The following RUNX2 variants were observed in gnomAD, a reference collection of about 807,000 sequenced individuals.
RUNX2 encodes RUNX family transcription factor 2.
Under a neutral mutation model 51.7 loss-of-function variants are expected in RUNX2, and 10 were observed. The ratio of observed to expected loss-of-function variants is 0.19; its 90% CI spans 0.12 to 0.33. The LOEUF is 0.33. Ranked by LOEUF, RUNX2 falls within the 10% of genes least tolerant of loss-of-function variation. The pLI, the probability that RUNX2 is intolerant of heterozygous loss-of-function variation, is 1.00. For missense variants in RUNX2, 562 were observed against 691.3 expected (o/e 0.81, Z 2.10); for synonymous variants, 276 against 273.6 (o/e 1.01, Z -0.09).
rs1787515737 is a variant in RUNX2 at position 45,331,552 on chromosome 6, T to C, written c.58+2768T>C. Among the ~76,000 whole-genome samples, 3 of 151,926 alleles carry C rather than the reference T, an allele frequency of 2.0e-5. No homozygotes were observed. The South Asian group carries it at 6.2e-4, about 31-fold the overall frequency. ...ACACAGAAAATCACTCTAACACATA[T>C]CAAAAGCTAAAAATGTCAAAGTAAT... is the stretch of plus-strand genomic sequence containing the variant. On this transcript the variant is annotated intron_variant, in intron 2 of 8. Transcript: ENST00000647337.
At chr6:45,452,110 A>G (rs1429823238) in intron 5 of RUNX2, among the ~76,000 whole-genome samples, 1 of 152,226 alleles carries the variant, frequency 6.6e-6, no homozygotes, top group Non-Finnish European at 1.5e-5. Flanking sequence ...ACCCACGTTC[A>G]TTTGATTTGT....
At chr6:45,403,559 G>T (rs569267595) in intron 2 of RUNX2, among the ~76,000 whole-genome samples, 4 of 152,216 alleles carry the variant, frequency 2.6e-5, no homozygotes, top group Admixed American at 1.3e-4. Context: ...TAACATAGAT[G>T]TGTTTAATCT....
intron 5 of RUNX2, among the ~76,000 whole-genome samples, chr6:45,439,063 G>A (rs1798769748): frequency 6.6e-6 from 1 of 152,136 alleles, no homozygotes; most frequent in South Asian, 2.1e-4. Context: ...GAGAGAAAAG[G>A]TCTCATAAAG....
At chr6:45,343,748 T>C (rs2079275132) in intron 2 of RUNX2, among the ~76,000 whole-genome samples, 1 of 152,198 alleles carries the variant, frequency 6.6e-6, no homozygotes, top group South Asian at 2.1e-4. Flanking sequence ...CCCATGTTCC[T>C]GAGACAGCTA....
chr6:45,496,326 C>T lies in RUNX2; in HGVS notation c.859+4212C>T, dbSNP rs79903650. 2.4e-3 allele frequency among the ~76,000 whole-genome samples: 372 copies of T among 152,192 alleles called. 3 individuals carry two copies. The Middle Eastern group carries it at 0.037, about 15-fold the overall frequency. On this transcript the variant is annotated intron_variant, in intron 6 of 8. Coordinates refer to ENST00000647337, the MANE Select transcript of RUNX2 (RefSeq NM_001024630.4). ...CTGTTTTTCACTCATTCAAAAAATACTTAATGAGTGCGTATTATCTGCTAG... is the reference window on the plus strand; with the variant it reads ...CTGTTTTTCACTCATTCAAAAAATATTTAATGAGTGCGTATTATCTGCTAG...
At chr6:45,397,348 A>G (rs1188074656) in intron 2 of RUNX2, among the ~76,000 whole-genome samples, 1 of 151,888 alleles carries the variant, frequency 6.6e-6, no homozygotes, top group Non-Finnish European at 1.5e-5. Flanking sequence ...TGACCTTGTG[A>G]TCTGCCCACC....
intron 2 of RUNX2, among the ~76,000 whole-genome samples, chr6:45,400,440 T>C (rs1320761789): frequency 6.6e-6 from 1 of 152,294 alleles, no homozygotes; most frequent in African/African-American, 2.4e-5. Flanking sequence ...CAGTAAATGG[T>C]AACTGAGAAA....
At chr6:45,496,784 A>G (rs556228820) in intron 6 of RUNX2, among the ~76,000 whole-genome samples, 46 of 152,348 alleles carry the variant, frequency 3.0e-4, no homozygotes, top group Non-Finnish European at 6.0e-4. Context: ...TGAGGGGACC[A>G]TAAGGGGCTA....
intron 2 of RUNX2, among the ~76,000 whole-genome samples, chr6:45,410,157 A>T (rs1202827380): frequency 6.6e-6 from 1 of 152,212 alleles, no homozygotes; most frequent in African/African-American, 2.4e-5. Context: ...GGAACCACTT[A>T]AAGAGTTTTA....
chr6:45,467,578 G>A (rs879675236), intron 5 of RUNX2, among the ~76,000 whole-genome samples: 1 of 152,102 alleles, frequency 6.6e-6, no homozygotes, highest in Non-Finnish European at 1.5e-5. Context: ...CACTGCACCA[G>A]GCCTGCTTTA....
intron 3 of RUNX2, among the ~76,000 whole-genome samples, chr6:45,428,609 A>AT (rs1798450434): frequency 6.6e-6 from 1 of 152,132 alleles, no homozygotes; most frequent in Non-Finnish European, 1.5e-5. Flanking sequence ...TGTTTTGTAA[A>AT]ATGTGATACG....
At chr6:45,438,765 T>C (rs2150372426) in intron 5 of RUNX2, among the ~76,000 whole-genome samples, 1 of 152,266 alleles carries the variant, frequency 6.6e-6, no homozygotes, top group East Asian at 1.9e-4. Context: ...CGAGGTTTGC[T>C]TCCCCCACCC....
chr6:45,513,310 A>C (rs1269849522), intron 7 of RUNX2: 2 of 152,186 alleles, frequency 1.3e-5, no homozygotes, highest in Non-Finnish European at 2.9e-5. Flanking sequence ...CACACACCCC[A>C]TTGGATCCCA....
intron 5 of RUNX2, among the ~76,000 whole-genome samples, chr6:45,459,750 A>AT (rs1799419923): frequency 6.6e-6 from 1 of 152,254 alleles, no homozygotes; most frequent in Admixed American, 6.5e-5. Context: ...GCAGATAGTG[A>AT]TAAGTACTTT....
chr6:45,539,555 T>A (rs1178635234), intron 7 of RUNX2, among the ~76,000 whole-genome samples: 1 of 152,248 alleles, frequency 6.6e-6, no homozygotes, highest in Non-Finnish European at 1.5e-5. Flanking sequence ...GATGGATAGT[T>A]GGTCATTTTT....
At chr6:45,353,026 A>C (rs1427930248) in intron 2 of RUNX2, among the ~76,000 whole-genome samples, 2 of 152,100 alleles carry the variant, frequency 1.3e-5, no homozygotes, top group Non-Finnish European at 2.9e-5. Context: ...ATATTAAAGA[A>C]AACTGAGAAG....
In RUNX2 at chr6:45,403,540, C is replaced by G. The variant is rs1797766122; in HGVS notation, c.59-19053C>G. ...GAGCCACTGCGCCTGGCCTGACTTT[C>G]CTTTTAATTAACATAGATGTGTTTA... On this transcript the variant is annotated intron_variant, in intron 2 of 8. Transcript: ENST00000647337. Among the ~76,000 whole-genome samples, 6 of 152,100 alleles carry G rather than the reference C, an allele frequency of 3.9e-5. No homozygotes were observed. In the South Asian group the frequency reaches 1.2e-3, roughly 32 times the overall value.
intron 5 of RUNX2, among the ~76,000 whole-genome samples, chr6:45,482,218 T>C (rs997050549): frequency 6.6e-6 from 1 of 152,252 alleles, no homozygotes; most frequent in Non-Finnish European, 1.5e-5. Context: ...TTAATCCTTT[T>C]TTGCTTCCTA....
At chr6:45,351,857 A>C (rs1212911458) in intron 2 of RUNX2, among the ~76,000 whole-genome samples, 1 of 152,150 alleles carries the variant, frequency 6.6e-6, no homozygotes, top group African/African-American at 2.4e-5. Context: ...GAGCACTTTG[A>C]AAAAGAGTAA....
Sources: gnomAD v4.1 joint callset for allele counts (sites outside exome capture counted in the v4.1 genomes callset) on GRCh38, gnomAD v4.1.1 for gene constraint, MANE v1.5 for transcripts, NCBI Gene and HGNC (gene_info 2026-07-23, HGNC 2026-07-21) for gene names.